Variants in KSR2 observed in about 807,000 individuals in gnomAD.
KSR2 encodes the protein kinase suppressor of ras 2.
In KSR2, 25 loss-of-function variants were observed where a neutral mutation model predicts 107.8. The observed-to-expected ratio is 0.23, with a 90% CI of 0.17 to 0.32. The LOEUF is 0.32. KSR2 is among the 10% of genes least tolerant of loss of function. The pLI, the probability that KSR2 is intolerant of heterozygous loss-of-function variation, is 1.00. For synonymous variants in KSR2, 480 were observed against 507.0 expected (o/e 0.95, Z 0.71); for missense variants, 887 against 1,268.9 (o/e 0.70, Z 4.57).
chr12:117,556,323 G>C (rs1043655628), intron 8 of KSR2, among the ~76,000 whole-genome samples: 1 of 152,134 alleles, frequency 6.6e-6, no homozygotes, highest in Non-Finnish European at 1.5e-5. Context: ...AACCCTCTAC[G>C]GAGGAGAATT....
In KSR2 at chr12:117,968,495, T is replaced by G. The variant is rs934876692; in HGVS notation, c.-240A>C. ...GCGGACTCCATTAGAATGTCTCCTC[T>G]CTCTCTGAGTCTCTGGTCCCTGAAA... On this transcript the variant is annotated 5_prime_UTR_variant, in exon 1 of 20. Coordinates refer to ENST00000339824, the MANE Select transcript of KSR2 (RefSeq NM_173598.6). 1.6e-5 allele frequency: 20 copies of G among 1,268,456 alleles called. No homozygotes were observed. The highest frequency in any genetic ancestry group is 1.9e-5 in the Non-Finnish European group (19 of 1,012,852). 78.6% of individuals were successfully genotyped at this position (1,268,456 alleles called of 1,614,324 possible).
At chr12:117,623,844 C>G (rs1882323924) in intron 5 of KSR2, among the ~76,000 whole-genome samples, 1 of 150,962 alleles carries the variant, frequency 6.6e-6, no homozygotes, top group Admixed American at 6.6e-5. Context: ...TCTCTCCCAC[C>G]AACAGTGTAA....
At chr12:117,555,123 C>T (rs1044520397) in intron 9 of KSR2, 46 bp downstream of exon 9, 5 of 1,612,104 alleles carry the variant, frequency 3.1e-6, no homozygotes, top group African/African-American at 1.3e-5. Context: ...CCTCACCCAG[C>T]AGTGCCAGCC....
chr12:117,655,800 A>C (rs76465601), intron 5 of KSR2, among the ~76,000 whole-genome samples: 4,891 of 152,302 alleles, frequency 0.032, 256 homozygotes, highest in African/African-American at 0.11. Context: ...CCAGACTATC[A>C]AGATGAAACC....
chr12:117,498,817 C>T (rs1873196752), intron 14 of KSR2, among the ~76,000 whole-genome samples: 1 of 152,202 alleles, frequency 6.6e-6, no homozygotes, highest in Non-Finnish European at 1.5e-5. Context: ...TTGTCTGCCG[C>T]CATGTGAGAT....
chr12:117,583,077 A>G (rs1420307134), intron 5 of KSR2, among the ~76,000 whole-genome samples: 1 of 152,218 alleles, frequency 6.6e-6, no homozygotes, highest in Non-Finnish European at 1.5e-5. Context: ...TGTACCACCT[A>G]AAGTTATGCT....
intron 3 of KSR2, among the ~76,000 whole-genome samples, chr12:117,828,107 G>T (rs1283544646): frequency 1.3e-5 from 2 of 152,130 alleles, no homozygotes; most frequent in African/African-American, 4.8e-5. Context: ...TTCTTGTATT[G>T]ATTCCAGGGC....
intron 14 of KSR2, among the ~76,000 whole-genome samples, chr12:117,511,764 G>A (rs1037458873): frequency 2.6e-5 from 4 of 152,084 alleles, no homozygotes; most frequent in East Asian, 1.9e-4. Context: ...CTTCCCTTCC[G>A]TATTTTTAAA....
intron 3 of KSR2, among the ~76,000 whole-genome samples, chr12:117,804,887 G>A (rs906771222): frequency 5.9e-5 from 9 of 152,170 alleles, no homozygotes; most frequent in African/African-American, 1.4e-4. Context: ...AAAGGTCCAA[G>A]TTATTTACCA....
chr12:117,902,605 G>T (rs1370520354), intron 1 of KSR2, among the ~76,000 whole-genome samples: 1 of 151,996 alleles, frequency 6.6e-6, no homozygotes, highest in Admixed American at 6.6e-5. Flanking sequence ...AGGGTTCAGG[G>T]ATAGGGGAGG....
intron 1 of KSR2, among the ~76,000 whole-genome samples, chr12:117,868,897 C>T (rs1052423255): frequency 1.3e-5 from 2 of 151,866 alleles, no homozygotes; most frequent in South Asian, 2.1e-4. Context: ...ACCACAGGTG[C>T]GTGCCACCAC....
intron 1 of KSR2, among the ~76,000 whole-genome samples, chr12:117,901,215 A>C (rs1275644385): frequency 6.6e-6 from 1 of 152,236 alleles, no homozygotes. Flanking sequence ...AATAAACAAT[A>C]AAGTAGACAA....
chr12:117,841,440 C>T (rs1002977043), intron 3 of KSR2, among the ~76,000 whole-genome samples: 1 of 152,188 alleles, frequency 6.6e-6, no homozygotes, highest in Non-Finnish European at 1.5e-5. Context: ...GCAGCCTAAT[C>T]TGCCCACCAC....
chr12:117,699,612 G>A (rs1030259777), intron 4 of KSR2, among the ~76,000 whole-genome samples: 17 of 152,192 alleles, frequency 1.1e-4, no homozygotes, highest in African/African-American at 3.9e-4. Flanking sequence ...GGCAAAATAC[G>A]CTATAAAAGA....
At chr12:117,896,859 G>C (rs993763506) in intron 1 of KSR2, among the ~76,000 whole-genome samples, 2 of 152,114 alleles carry the variant, frequency 1.3e-5, no homozygotes, top group African/African-American at 4.8e-5. Flanking sequence ...ATTCTCCCCA[G>C]GTGATTCTAA....
intron 3 of KSR2, among the ~76,000 whole-genome samples, chr12:117,777,175 C>CTATATATATATATATATATA (rs56862811): frequency 2.2e-4 from 30 of 136,792 alleles, no homozygotes; most frequent in African/African-American, 8.4e-4. Flanking sequence ...CATATATACA[C>CTATATATATATATATATATA]TATATATATA....
rs950166860 is a variant in KSR2, at chr12:117,968,922, G to C, written c.-667C>G. ...TGCTGCTGCTGCTGCTGCCGCCGCC[G>C]GGCTCCGGGGGTGACGGTTGCTGCA... is the stretch of plus-strand genomic sequence containing the variant. On this transcript the variant is annotated 5_prime_UTR_variant, in exon 1 of 20. Coordinates refer to ENST00000339824, the MANE Select transcript of KSR2 (RefSeq NM_173598.6). 7.9e-6 allele frequency: 2 copies of C among 251,722 alleles called. No individual in the cohort carries two copies. Among genetic ancestry groups the C allele is most frequent in the Non-Finnish European group, 1.6e-5 (2 of 126,276 alleles). 15.6% of individuals were successfully genotyped at this position (251,722 alleles called of 1,614,324 possible). A position where few individuals can be genotyped will look rare whatever the true frequency, so the allele number is the denominator to read the frequency against.
intron 12 of KSR2, among the ~76,000 whole-genome samples, chr12:117,529,913 C>T (rs375106015): frequency 1.1e-4 from 17 of 151,876 alleles, no homozygotes; most frequent in South Asian, 6.3e-4. Context: ...CCCAGCTACT[C>T]GGGAGGCTGA....
At chr12:117,823,572 G>A (rs1159366992) in intron 3 of KSR2, among the ~76,000 whole-genome samples, 1 of 152,186 alleles carries the variant, frequency 6.6e-6, no homozygotes, top group Non-Finnish European at 1.5e-5. Flanking sequence ...GGGAAAAGAG[G>A]AGCAGTTCAG....
Sources: gnomAD v4.1 joint callset for allele counts (sites outside exome capture counted in the v4.1 genomes callset) on GRCh38, gnomAD v4.1.1 for gene constraint, MANE v1.5 for transcripts, NCBI Gene and HGNC (gene_info 2026-07-23, HGNC 2026-07-21) for gene names.